Variants in SUSD4 observed in about 807,000 individuals in gnomAD.
SUSD4 encodes the protein sushi domain-containing protein 4.
SUSD4 carries 41 observed loss-of-function variants against 50.5 expected under a neutral mutation model. The ratio of observed to expected loss-of-function variants is 0.81; its 90% CI spans 0.63 to 1.05. The LOEUF (loss-of-function observed/expected upper bound fraction) is 1.05, where lower values mean the gene tolerates loss of function less well. SUSD4 is among the 50% of genes least tolerant of loss of function. The probability of loss-of-function intolerance (pLI) is 0.00; values close to 1 mark genes in which losing one functional copy is unlikely to be tolerated. For synonymous variants in SUSD4, 257 were observed against 257.3 expected, an observed-to-expected ratio of 1.00 and a Z score of 0.01; for missense variants, 580 against 634.7, an observed-to-expected ratio of 0.91 and a Z score of 0.93.
intron 2 of SUSD4, among the ~76,000 whole-genome samples, chr1:223,298,935 G>A (rs1020949990): frequency 2.6e-5 from 4 of 152,164 alleles, no homozygotes; most frequent in African/African-American, 7.2e-5. Flanking sequence ...GAATGCTGCC[G>A]GCCATGGGCT....
chr1:223,258,894 C>T (rs1442816401), intron 5 of SUSD4, among the ~76,000 whole-genome samples: 2 of 152,182 alleles, frequency 1.3e-5, no homozygotes, highest in Non-Finnish European at 2.9e-5. Flanking sequence ...CAAAGAGTGA[C>T]TCACCAGCCT....
intron 2 of SUSD4, among the ~76,000 whole-genome samples, chr1:223,294,074 C>A (rs1368684613): frequency 6.6e-6 from 1 of 152,188 alleles, no homozygotes; most frequent in Non-Finnish European, 1.5e-5. Context: ...AACTCCAGAA[C>A]AAGAAACTCC....
chr1:223,251,986 G>A (rs1160360963), intron 5 of SUSD4, among the ~76,000 whole-genome samples: 1 of 146,416 alleles, frequency 6.8e-6, no homozygotes, highest in South Asian at 2.2e-4. Context: ...ACCAAACACC[G>A]CATGTTCTCA....
Position 223,223,242 on chromosome 1 carries a change from C to T in SUSD4, c.1444+7G>A. On this transcript the variant is annotated splice_region_variant and intron_variant, in intron 8 of 8. Coordinates refer to ENST00000366878, the MANE Select transcript of SUSD4 (RefSeq NM_017982.4). ...GGTGTGGCTTGGGCCCTGGGGCAAG[C>T]ACTTACCATCTGCAATGTCGATGCC... The T allele has an allele frequency of 1.3e-6, 2 of 1,526,796 alleles. No individual in the cohort carries two copies. The highest frequency in any genetic ancestry group is 1.7e-6 in the Non-Finnish European group (2 of 1,143,672). 94.6% of individuals were successfully genotyped at this position (1,526,796 alleles called of 1,614,324 possible).
intron 2 of SUSD4, among the ~76,000 whole-genome samples, chr1:223,362,945 T>TCCCCC (rs72009594): frequency 1.1e-5 from 1 of 93,252 alleles, no homozygotes; most frequent in African/African-American, 4.6e-5. Flanking sequence ...CCCCCACCCC[T>TCCCCC]CCCCCCCCCG....
At chr1:223,244,052 T>C (rs1164526412) in intron 5 of SUSD4, among the ~76,000 whole-genome samples, 1 of 152,208 alleles carries the variant, frequency 6.6e-6, no homozygotes, top group African/African-American at 2.4e-5. Flanking sequence ...CGCATAGATA[T>C]TTATGTGGCT....
At chr1:223,261,559 T>C (rs1662122070) in intron 5 of SUSD4, among the ~76,000 whole-genome samples, 1 of 152,248 alleles carries the variant, frequency 6.6e-6, no homozygotes, top group Admixed American at 6.5e-5. Flanking sequence ...CTTTGAGCAG[T>C]AGCCTGACAC....
intron 5 of SUSD4, among the ~76,000 whole-genome samples, chr1:223,258,034 C>T (rs1661823844): frequency 6.6e-6 from 1 of 152,204 alleles, no homozygotes; most frequent in South Asian, 2.1e-4. Context: ...CTGCAGCCTG[C>T]CTCCAGGATC....
At chr1:223,362,295 T>C (rs1017526915) in intron 2 of SUSD4, among the ~76,000 whole-genome samples, 1 of 152,214 alleles carries the variant, frequency 6.6e-6, no homozygotes, top group African/African-American at 2.4e-5. Flanking sequence ...AACAGCAATA[T>C]TTTAAAACGC....
chr1:223,248,271 G>A (rs978738944), intron 5 of SUSD4, among the ~76,000 whole-genome samples: 1 of 152,186 alleles, frequency 6.6e-6, no homozygotes, highest in Non-Finnish European at 1.5e-5. Flanking sequence ...GAGTGCAAAG[G>A]CATCGCATCA....
chr1:223,303,102 G>A (rs1298207314), intron 2 of SUSD4, among the ~76,000 whole-genome samples: 1 of 152,122 alleles, frequency 6.6e-6, no homozygotes, highest in Non-Finnish European at 1.5e-5. Context: ...GAGCTACGGT[G>A]TGATTGTGCC....
intron 2 of SUSD4, among the ~76,000 whole-genome samples, chr1:223,310,338 G>A (rs922800841): frequency 7.9e-5 from 12 of 152,160 alleles, no homozygotes; most frequent in African/African-American, 2.7e-4. Flanking sequence ...CTCATAGCAC[G>A]CTGATTCCCA....
chr1:223,357,803 A>G (rs532436050), intron 2 of SUSD4, among the ~76,000 whole-genome samples: 25 of 152,364 alleles, frequency 1.6e-4, no homozygotes, highest in Non-Finnish European at 3.2e-4. Flanking sequence ...AATAAAATAC[A>G]TAAGAATATA....
intron 5 of SUSD4, among the ~76,000 whole-genome samples, chr1:223,254,585 A>C (rs995807891): frequency 2.6e-5 from 4 of 152,238 alleles, no homozygotes; most frequent in Admixed American, 6.5e-5. Flanking sequence ...GAGTCTAAAA[A>C]GTAATAGCAG....
At chr1:223,301,475 G>T (rs974852062) in intron 2 of SUSD4, among the ~76,000 whole-genome samples, 1 of 152,208 alleles carries the variant, frequency 6.6e-6, no homozygotes, top group Non-Finnish European at 1.5e-5. Context: ...CTAGAGACTG[G>T]AGTACACATT....
chr1:223,358,598 G>C (rs17539853), intron 2 of SUSD4, among the ~76,000 whole-genome samples: 14,084 of 152,224 alleles, frequency 0.093, 883 homozygotes, highest in Middle Eastern at 0.17. Flanking sequence ...TTACTGGAGA[G>C]AGATCTTCAC....
At position 223,229,641 on chromosome 1, in the gene SUSD4, G is replaced by A. The variant is rs560151727; in HGVS notation, c.725-253C>T. Among the ~76,000 whole-genome samples the A allele has an allele frequency of 2.0e-5, 3 of 152,240 alleles. No individual in the cohort carries two copies. Among genetic ancestry groups the A allele is most frequent in the South Asian group, 2.1e-4 (1 of 4,820 alleles). ...GAAGTACATCGTAAAAGAGAGGTTC[G>A]TTTTACAATGCAAAGAGTATGCCTA... On this transcript the variant is annotated intron_variant, in intron 5 of 8. Coordinates refer to ENST00000366878, the MANE Select transcript of SUSD4 (RefSeq NM_017982.4). This position sits in a 1 kb window ranked among gnomAD's most constrained non-coding sequence, Gnocchi z 4.7.
chr1:223,307,460 C>T (rs1472214422), intron 2 of SUSD4, among the ~76,000 whole-genome samples: 2 of 152,214 alleles, frequency 1.3e-5, no homozygotes, highest in African/African-American at 4.8e-5. Context: ...TTATGAAAAT[C>T]CAACTGTTAA....
chr1:223,227,373 T>C lies in SUSD4; in HGVS notation c.1061+221A>G, dbSNP rs1659587321. Among the ~76,000 whole-genome samples the C allele has an allele frequency of 6.6e-6, 1 of 152,070 alleles. No individual in the cohort carries two copies. The highest frequency in any genetic ancestry group is 1.5e-5 in the Non-Finnish European group (1 of 68,008). ...GCCCCCCATGATGCCCACCTGCAAA[T>C]GGTCTACTGCAGGAAGGAGGGAGAG... On this transcript the variant is annotated intron_variant, in intron 7 of 8. Transcript: ENST00000366878. The surrounding 1 kb of genome is among the most constrained non-coding windows in gnomAD (Gnocchi z 4.5).
Sources: gnomAD v4.1 joint callset for allele counts (sites outside exome capture counted in the v4.1 genomes callset) on GRCh38, gnomAD v4.1.1 for gene constraint, Gnocchi (gnomAD v3.1) non-coding constraint, MANE v1.5 for transcripts, NCBI Gene and HGNC (gene_info 2026-07-23, HGNC 2026-07-21) for gene names.